The following MYT1L variants were observed in gnomAD, a reference collection of about 807,000 sequenced individuals.
MYT1L encodes the protein myelin transcription factor 1-like protein.
Under a neutral mutation model 126.7 loss-of-function variants are expected in MYT1L, and 12 were observed. The ratio of observed to expected loss-of-function variants is 0.09; its 90% CI spans 0.06 to 0.15. MYT1L has a LOEUF of 0.15. MYT1L is among the 10% of genes least tolerant of loss of function. MYT1L has a pLI of 1.00. For missense variants in MYT1L, 979 were observed against 1,585.2 expected (o/e 0.62, Z 6.49); for synonymous variants, 541 against 604.2 (o/e 0.90, Z 1.53).
intron 2 of MYT1L, among the ~76,000 whole-genome samples, chr2:2,266,204 A>G (rs1018802530): frequency 1.3e-5 from 2 of 152,226 alleles, no homozygotes; most frequent in African/African-American, 4.8e-5. Flanking sequence ...AACTCCATGC[A>G]GCTCCAAATT....
At chr2:1,886,000 A>G (rs990066728) in intron 18 of MYT1L, among the ~76,000 whole-genome samples, 9 of 152,366 alleles carry the variant, frequency 5.9e-5, no homozygotes, top group African/African-American at 2.2e-4. Context: ...GTAAAACTCT[A>G]GAATGATGTG....
chr2:2,247,380 A>G (rs1211316317), intron 2 of MYT1L, among the ~76,000 whole-genome samples: 1 of 152,232 alleles, frequency 6.6e-6, no homozygotes, highest in Non-Finnish European at 1.5e-5. Context: ...CCAGATATAT[A>G]AAGCAAATAT....
At chr2:1,974,917 C>A (rs1195955149) in intron 8 of MYT1L, among the ~76,000 whole-genome samples, 1 of 152,176 alleles carries the variant, frequency 6.6e-6, no homozygotes, top group East Asian at 1.9e-4. Flanking sequence ...TCAGTTATTT[C>A]AAATTCTTCA....
intron 4 of MYT1L, among the ~76,000 whole-genome samples, chr2:2,053,511 T>C (rs2069100554): frequency 6.6e-6 from 1 of 152,176 alleles, no homozygotes; most frequent in Non-Finnish European, 1.5e-5. Flanking sequence ...GCAAGGGACG[T>C]TTGTCAACAG....
intron 18 of MYT1L, among the ~76,000 whole-genome samples, chr2:1,853,157 G>C (rs1443107512): frequency 2.0e-5 from 3 of 152,202 alleles, no homozygotes; most frequent in Admixed American, 6.5e-5. Flanking sequence ...CATCATATTA[G>C]AGGAAAAGTC....
chr2:2,017,184 G>C (rs1371904552), intron 4 of MYT1L, among the ~76,000 whole-genome samples: 2 of 152,134 alleles, frequency 1.3e-5, no homozygotes, highest in African/African-American at 2.4e-5. Flanking sequence ...GAGACTCAAC[G>C]CTCCCTGCTT....
chr2:2,253,438 T>C (rs2094712351), intron 2 of MYT1L, among the ~76,000 whole-genome samples: 1 of 152,240 alleles, frequency 6.6e-6, no homozygotes, highest in African/African-American at 2.4e-5. Flanking sequence ...ATCTCAGTAA[T>C]GGCGTGGCCC....
intron 12 of MYT1L, among the ~76,000 whole-genome samples, chr2:1,911,800 C>G (rs2052026643): frequency 1.3e-5 from 2 of 152,228 alleles, no homozygotes; most frequent in Non-Finnish European, 2.9e-5. Flanking sequence ...ACTCCTGATA[C>G]TATACCCTGC....
chr2:2,302,306 C>G (rs2095797493), intron 1 of MYT1L, among the ~76,000 whole-genome samples: 1 of 152,174 alleles, frequency 6.6e-6, no homozygotes, highest in Non-Finnish European at 1.5e-5. Context: ...ACTTATTAGT[C>G]AGTGAATGCT....
chr2:1,891,142 AC>A (rs1233633928), intron 15 of MYT1L, among the ~76,000 whole-genome samples: 6 of 152,194 alleles, frequency 3.9e-5, no homozygotes, highest in South Asian at 2.1e-4. Context: ...GAAGAAAAAA[AC>A]ATTTGCAAAA....
intron 3 of MYT1L, among the ~76,000 whole-genome samples, chr2:2,085,696 G>T (rs1267140695): frequency 6.6e-6 from 1 of 152,046 alleles, no homozygotes; most frequent in Non-Finnish European, 1.5e-5. Flanking sequence ...ACTCAATAAT[G>T]TTGGCAAAAT....
chr2:1,880,040 G>A (rs2148783561), intron 18 of MYT1L, among the ~76,000 whole-genome samples: 1 of 152,278 alleles, frequency 6.6e-6, no homozygotes, highest in Admixed American at 6.5e-5. Flanking sequence ...ACATCACAAA[G>A]CCAGCTTCAG....
intron 8 of MYT1L, among the ~76,000 whole-genome samples, chr2:1,975,199 CAA>C (rs2060075327): frequency 2.2e-5 from 3 of 136,950 alleles, no homozygotes; most frequent in Admixed American, 2.1e-4. Context: ...CAGCCACTTT[CAA>C]AGAGACCCAG....
chr2:2,030,212 C>T (rs757574403), intron 4 of MYT1L, among the ~76,000 whole-genome samples: 1 of 152,154 alleles, frequency 6.6e-6, no homozygotes, highest in Non-Finnish European at 1.5e-5. Flanking sequence ...ATTCTCCTGC[C>T]TCAGCCTCCC....
intron 2 of MYT1L, among the ~76,000 whole-genome samples, chr2:2,271,729 C>T (rs932405270): frequency 3.9e-5 from 6 of 152,274 alleles, no homozygotes; most frequent in Non-Finnish European, 7.4e-5. Context: ...TGGCCACACT[C>T]GCCCTGTCCT....
chr2:2,267,503 A>C (rs978421089), intron 2 of MYT1L, among the ~76,000 whole-genome samples: 3 of 152,172 alleles, frequency 2.0e-5, no homozygotes, highest in Non-Finnish European at 4.4e-5. Flanking sequence ...GGGGGAAATG[A>C]GGGGGATGAA....
chr2:2,251,984 G>T (rs1303822880), intron 2 of MYT1L, among the ~76,000 whole-genome samples: 1 of 152,168 alleles, frequency 6.6e-6, no homozygotes. Context: ...GGGGAACACA[G>T]CAGGCATCTA....
intron 3 of MYT1L, among the ~76,000 whole-genome samples, chr2:2,082,429 A>C (rs1040287162): frequency 6.6e-6 from 1 of 152,216 alleles, no homozygotes; most frequent in Non-Finnish European, 1.5e-5. Context: ...TTACACGAGC[A>C]AGTGATGCTG....
chr2:2,014,076 C>G (rs1237365325), intron 4 of MYT1L, among the ~76,000 whole-genome samples: 1 of 152,168 alleles, frequency 6.6e-6, no homozygotes, highest in Non-Finnish European at 1.5e-5. Context: ...TAAGGAAGAA[C>G]CAGATCAAGA....
Sources: gnomAD v4.1 joint callset for allele counts (sites outside exome capture counted in the v4.1 genomes callset) on GRCh38, gnomAD v4.1.1 for gene constraint, MANE v1.5 for transcripts, NCBI Gene and HGNC (gene_info 2026-07-23, HGNC 2026-07-21) for gene names.